Variants in CCDC15 observed in about 807,000 individuals in gnomAD.
The protein encoded by CCDC15 is coiled-coil domain-containing protein 15.
Under a neutral mutation model 114.5 loss-of-function variants are expected in CCDC15, and 105 were observed. The observed-to-expected ratio is 0.92, with a 90% CI of 0.78 to 1.08. CCDC15 has a LOEUF of 1.08. Ranked by LOEUF, CCDC15 falls within the 50% of genes least tolerant of loss-of-function variation. The probability of loss-of-function intolerance (pLI) is 0.00; values close to 1 mark genes in which losing one functional copy is unlikely to be tolerated. For synonymous variants in CCDC15, 334 were observed against 377.8 expected (o/e 0.88, Z 1.34); for missense variants, 1,105 against 1,093.6 (o/e 1.01, Z -0.15).
chr11:124,991,342 A>C, intron 8 of CCDC15, 119 bp from the exon 9 acceptor site: 1 of 555,626 alleles, frequency 1.8e-6, no homozygotes, highest in Non-Finnish European at 2.9e-6. Flanking sequence ...TTTATTCCAT[A>C]ATGTTTTATA....
rs571747351 is a variant in CCDC15, at chr11:124,993,580, C to T, written c.2214+337C>T. ...GCACAGGAACTATGAGTAGGCCTCA[C>T]GTGATATGAGAGATGAGAGATGGAG... is the stretch of plus-strand genomic sequence containing the variant. On this transcript the variant is annotated intron_variant, in intron 11 of 15. Coordinates refer to ENST00000344762, the MANE Select transcript of CCDC15 (RefSeq NM_025004.3). Among the ~76,000 whole-genome samples, 3 of 152,046 alleles carry T rather than the reference C, an allele frequency of 2.0e-5. No homozygotes were observed. The South Asian group carries it at 6.2e-4, about 32-fold the overall frequency.
At position 124,980,308 on chromosome 11, in the gene CCDC15, C is replaced by A. The variant is rs1436918138; in HGVS notation, c.753+2708C>A. ...TAGAATAAGTTAGGGAGGACTTCCT[C>A]CTCCTCAATCTTTTGGAATAGTTTC... On this transcript the variant is annotated intron_variant, in intron 6 of 15. Coordinates refer to ENST00000344762, the MANE Select transcript of CCDC15 (RefSeq NM_025004.3). Among the ~76,000 whole-genome samples the A allele has an allele frequency of 6.6e-5, 10 of 152,260 alleles. No homozygotes were observed. The East Asian group carries it at 1.9e-3, about 29-fold the overall frequency.
chr11:124,975,700 G>A (rs1947962027), intron 5 of CCDC15, among the ~76,000 whole-genome samples: 1 of 152,094 alleles, frequency 6.6e-6, no homozygotes, highest in Non-Finnish European at 1.5e-5. Context: ...TAAAAAGATG[G>A]AAAGAGTTCC....
intron 13 of CCDC15, among the ~76,000 whole-genome samples, chr11:125,012,393 A>G (rs1948598816): frequency 6.6e-6 from 1 of 152,230 alleles, no homozygotes; most frequent in Non-Finnish European, 1.5e-5. Context: ...TCCATATCAT[A>G]GGCACTGTCC....
At chr11:124,995,446 C>T (rs1948348900) in intron 11 of CCDC15, among the ~76,000 whole-genome samples, 1 of 152,102 alleles carries the variant, frequency 6.6e-6, no homozygotes, top group Admixed American at 6.6e-5. Flanking sequence ...TTTTGTTTAC[C>T]ATTGTATGAA....
intron 11 of CCDC15, among the ~76,000 whole-genome samples, chr11:125,003,351 A>C (rs955521780): frequency 6.6e-6 from 1 of 151,968 alleles, no homozygotes; most frequent in Non-Finnish European, 1.5e-5. Context: ...GTAATGTCCA[A>C]GTAGATATAC....
rs1047924291 is a variant in CCDC15 at position 125,041,365 on chromosome 11, T to A, written c.*654T>A. 1 of 152,134 alleles carries A rather than the reference T, an allele frequency of 6.6e-6. No homozygotes were observed. The highest frequency in any genetic ancestry group is 6.5e-5 in the Admixed American group (1 of 15,272). The allele number at this position is 152,134 out of a possible 1,614,324, so 9.4% of individuals were successfully genotyped here. A position where few individuals can be genotyped will look rare whatever the true frequency, so the allele number is the denominator to read the frequency against. On this transcript the variant is annotated 3_prime_UTR_variant, in exon 16 of 16. Coordinates refer to ENST00000344762, the MANE Select transcript of CCDC15 (RefSeq NM_025004.3). ...ATCTTCTATGTGAAATAATTGTGAG[T>A]GACATTTGAAAAAGTGAATCTGAAG...
intron 4 of CCDC15, among the ~76,000 whole-genome samples, chr11:124,974,665 G>A (rs575864462): frequency 6.6e-6 from 1 of 152,168 alleles, no homozygotes; most frequent in East Asian, 1.9e-4. Flanking sequence ...AAGGAAACTA[G>A]GAATAGAGTC....
At chr11:124,955,933 C>T (rs1947540625) in intron 2 of CCDC15, among the ~76,000 whole-genome samples, 1 of 151,770 alleles carries the variant, frequency 6.6e-6, no homozygotes, top group African/African-American at 2.4e-5. Flanking sequence ...GTTGATGTGA[C>T]CCAGGAAAGT....
At chr11:124,968,703 G>C (rs868005196) in intron 4 of CCDC15, among the ~76,000 whole-genome samples, 3 of 146,144 alleles carry the variant, frequency 2.1e-5, no homozygotes, top group Middle Eastern at 7.0e-3. Context: ...AGGTAGCTCA[G>C]TTGGAAATGC....
At chr11:124,959,734 T>G in intron 3 of CCDC15, 81 bp from the exon 4 acceptor site, 5 of 470,980 alleles carry the variant, frequency 1.1e-5, no homozygotes, top group East Asian at 5.2e-5. Flanking sequence ...ATTTAAAATC[T>G]TCTGAACTGC....
rs143201825 is a variant in CCDC15 at position 124,984,212 on chromosome 11, C to T, written c.754-2530C>T. 1.4e-4 allele frequency among the ~76,000 whole-genome samples: 21 copies of T among 152,186 alleles called. No homozygotes were observed. In the East Asian group the frequency reaches 3.7e-3, roughly 27 times the overall value. ...ATGTAGGTGTTGCTATGGATGAGTG[C>T]ATGCTGGAAAAGTGGCATGAGGGAG... On this transcript the variant is annotated intron_variant, in intron 6 of 15. Coordinates refer to ENST00000344762, the MANE Select transcript of CCDC15 (RefSeq NM_025004.3).
chr11:125,013,056 C>A (rs987944550), intron 13 of CCDC15, among the ~76,000 whole-genome samples: 1 of 152,078 alleles, frequency 6.6e-6, no homozygotes, highest in African/African-American at 2.4e-5. Context: ...TTGTATCTGA[C>A]ATTTAATAAG....
chr11:125,011,872 A>G (rs529827565), intron 13 of CCDC15, among the ~76,000 whole-genome samples: 4 of 152,086 alleles, frequency 2.6e-5, no homozygotes, highest in African/African-American at 9.6e-5. Context: ...CAATTCTTGA[A>G]CTCCTCTGAG....
At chr11:124,974,960 CT>C in intron 4 of CCDC15, 135 bp from the exon 5 acceptor site, 3 of 535,610 alleles carry the variant, frequency 5.6e-6, no homozygotes, top group Non-Finnish European at 1.0e-5. Context: ...TCAAAGTCTC[CT>C]TTGCAAGTAA....
chr11:124,992,641 A>G lies in CCDC15; in HGVS notation c.2093A>G (p.Gln698Arg). 1 of 1,600,072 alleles carries G rather than the reference A, an allele frequency of 6.2e-7. No individual in the cohort carries two copies. Among genetic ancestry groups the G allele is most frequent in the East Asian group, 2.2e-5 (1 of 44,606 alleles). The change falls in exon 10 of 16, where the codon CAA becomes CGA. Residue 698 changes from glutamine to arginine, a missense_variant. Gln to Arg is a conservative substitution (Grantham distance 43, BLOSUM62 1). Transcript: ENST00000344762. Reference protein sequence around the residue: ...VREELPLDYHQYVVPKIQDQD... With the variant: ...VREELPLDYHRYVVPKIQDQD... ...GAAGAATTGCCTCTGGACTATCATC[A>G]ATATGTTGTACCTAAAATCCAGGAC...
chr11:124,993,328 CTT>C, intron 11 of CCDC15, 85 bp downstream of exon 11: 3 of 857,970 alleles, frequency 3.5e-6, no homozygotes, highest in Admixed American at 2.3e-5. Flanking sequence ...GTGTAAATTG[CTT>C]TTTTTTTGGC....
At chr11:125,005,069 T>C in intron 12 of CCDC15, 40 bp from the exon 13 acceptor site, 1 of 916,618 alleles carries the variant, frequency 1.1e-6, no homozygotes, top group Non-Finnish European at 1.6e-6. Context: ...GAAATTCCTC[T>C]GAAAGCAGAA....
chr11:125,035,143 T>A (rs780022686), intron 13 of CCDC15, among the ~76,000 whole-genome samples: 4 of 152,144 alleles, frequency 2.6e-5, no homozygotes, highest in Non-Finnish European at 5.9e-5. Flanking sequence ...TTCTTCTGCC[T>A]GGTTTTTATT....
Sources: gnomAD v4.1 joint callset for allele counts (sites outside exome capture counted in the v4.1 genomes callset) on GRCh38, gnomAD v4.1.1 for gene constraint, MANE v1.5 for transcripts, NCBI Gene and HGNC (gene_info 2026-07-23, HGNC 2026-07-21) for gene names.